Variants in ELAPOR1 observed in about 807,000 individuals in gnomAD.
ELAPOR1 encodes the protein endosome/lysosome-associated apoptosis and autophagy regulator 1.
ELAPOR1 carries 77 observed loss-of-function variants against 119.7 expected under a neutral mutation model. The ratio of observed to expected loss-of-function variants is 0.64; its 90% CI spans 0.54 to 0.78. The LOEUF (loss-of-function observed/expected upper bound fraction) is 0.78. Among genes scored for constraint, ELAPOR1 ranks in the 30% least tolerant of loss-of-function variants. ELAPOR1 has a pLI of 0.00. For synonymous variants in ELAPOR1, 481 were observed against 487.2 expected, an observed-to-expected ratio of 0.99 and a Z score of 0.17; for missense variants, 1,115 against 1,270.4, an observed-to-expected ratio of 0.88 and a Z score of 1.86.
At chr1:109,163,076 A>G (rs1420606419) in intron 2 of ELAPOR1, among the ~76,000 whole-genome samples, 2 of 152,252 alleles carry the variant, frequency 1.3e-5, no homozygotes, top group African/African-American at 4.8e-5. Flanking sequence ...TGGCAGACAT[A>G]TATGATATGA....
At position 109,144,061 on chromosome 1, in the gene ELAPOR1, A is replaced by ATATATTTTTTTTTTTT; in HGVS notation, c.154-17832_154-17831insATATTTTTTTTTTTTT. 2.1e-4 allele frequency among the ~76,000 whole-genome samples: 19 copies of ATATATTTTTTTTTTTT among 88,986 alleles called. 1 individual carries two copies. The highest frequency in any genetic ancestry group is 5.3e-4 in the African/African-American group (11 of 20,740). 58.4% of individuals were successfully genotyped at this position (88,986 alleles called of 152,430 possible). Reference sequence around the variant, plus strand: ...TATATATATATATATATATTTATATATTTTTTTTTTTTTTTGAGATGGAGT... The same window carrying ATATATTTTTTTTTTTT: ...TATATATATATATATATATTTATATATATATTTTTTTTTTTTTTTTTTTTTTTTTTTGAGATGGAGT... On this transcript the variant is annotated intron_variant, in intron 1 of 21. Coordinates refer to ENST00000369939, the MANE Select transcript of ELAPOR1 (RefSeq NM_020775.5).
chr1:109,130,566 C>T (rs1400263847), intron 1 of ELAPOR1, among the ~76,000 whole-genome samples: 1 of 151,690 alleles, frequency 6.6e-6, no homozygotes, highest in East Asian at 1.9e-4. Context: ...AGGCTGGTCT[C>T]CAACTCTTGA....
chr1:109,119,629 T>C (rs1402590269), intron 1 of ELAPOR1, among the ~76,000 whole-genome samples: 1 of 152,206 alleles, frequency 6.6e-6, no homozygotes, highest in East Asian at 1.9e-4. Flanking sequence ...TCTAAACTCA[T>C]CTACGTTATT....
intron 7 of ELAPOR1, among the ~76,000 whole-genome samples, chr1:109,182,791 C>T (rs1180544506): frequency 6.6e-6 from 1 of 151,216 alleles, no homozygotes; most frequent in African/African-American, 2.4e-5. Context: ...GGCGTGAACC[C>T]GGGAGGCGGA....
intron 1 of ELAPOR1, among the ~76,000 whole-genome samples, chr1:109,156,258 C>G (rs1234706689): frequency 1.3e-5 from 2 of 151,956 alleles, no homozygotes; most frequent in Non-Finnish European, 2.9e-5. Context: ...AATAGAATAA[C>G]TCAGAGGTTA....
At chr1:109,172,428 G>A in intron 4 of ELAPOR1, 60 bp from the exon 5 acceptor site, 1 of 1,287,012 alleles carries the variant, frequency 7.8e-7, no homozygotes, top group South Asian at 1.2e-5. Flanking sequence ...TGCAATGTGG[G>A]GAAAGGTATC....
At position 109,114,756 on chromosome 1, in the gene ELAPOR1, GA is replaced by G. The variant is rs528667266; in HGVS notation, c.153+426del. Among the ~76,000 whole-genome samples the G allele has an allele frequency of 7.4e-3, 1,127 of 152,286 alleles. 8 individuals carry two copies. Among genetic ancestry groups the G allele is most frequent in the Admixed American group, 0.023 (352 of 15,300 alleles). Reference sequence around the variant, plus strand: ...GAGAGGAAAGGAGTTAGGAAGGCCAGAAAAAAGTATCAGAGCGAAGTGGTTT... The same window carrying G: ...GAGAGGAAAGGAGTTAGGAAGGCCAGAAAAAGTATCAGAGCGAAGTGGTTT... On this transcript the variant is annotated intron_variant, in intron 1 of 21. Coordinates refer to ENST00000369939, the MANE Select transcript of ELAPOR1 (RefSeq NM_020775.5).
chr1:109,127,578 A>G (rs912272704), intron 1 of ELAPOR1, among the ~76,000 whole-genome samples: 3 of 149,534 alleles, frequency 2.0e-5, no homozygotes, highest in Non-Finnish European at 3.0e-5. Context: ...TTATTTATTT[A>G]TTTTTTTGAG....
At chr1:109,184,485 T>C (rs1186534601) in intron 7 of ELAPOR1, among the ~76,000 whole-genome samples, 4 of 152,162 alleles carry the variant, frequency 2.6e-5, no homozygotes, top group Non-Finnish European at 2.9e-5. Flanking sequence ...TGTAGAATGA[T>C]TGCATGAAGA....
rs756405190 is a variant in ELAPOR1 at position 109,171,982 on chromosome 1, A to C, written c.584A>C (p.Tyr195Ser). 3 of 1,614,018 alleles carry C rather than the reference A, an allele frequency of 1.9e-6. No individual in the cohort carries two copies. Among genetic ancestry groups the C allele is most frequent in the Non-Finnish European group, 1.7e-6 (2 of 1,180,024 alleles). ...QSGTVNFEYY[Y>S]PDSSIIFEFF... is the part of the protein sequence containing the mutation. ...GGCACCGTTAACTTCGAATACTACT[A>C]TCCAGACTCCAGCATCATCTTTGAG... is the stretch of plus-strand genomic sequence containing the variant. Residue 195 changes from tyrosine to serine, a missense_variant, in exon 4 of 22, where the codon TAT (tyrosine) becomes TCT (serine). Coordinates refer to ENST00000369939, the MANE Select transcript of ELAPOR1 (RefSeq NM_020775.5).
Position 109,204,123 on chromosome 1 carries a change from A to T in ELAPOR1, c.*1111A>T, listed in dbSNP as rs1654354743. ...TTTTTTGTAGACACAGGGTTTCACCATGTTGCCCAGGCTGGTCTCCAACTC... is the reference window on the plus strand; with the variant it reads ...TTTTTTGTAGACACAGGGTTTCACCTTGTTGCCCAGGCTGGTCTCCAACTC... On this transcript the variant is annotated 3_prime_UTR_variant, in exon 22 of 22. Transcript: ENST00000369939. 6.6e-6 allele frequency: 1 copy of T among 152,180 alleles called. No individual in the cohort carries two copies. Among genetic ancestry groups the T allele is most frequent in the South Asian group, 2.1e-4 (1 of 4,818 alleles). The allele number at this position is 152,180 out of a possible 1,614,324, so 9.4% of individuals were successfully genotyped here.
At chr1:109,154,910 C>G (rs1196871557) in intron 1 of ELAPOR1, among the ~76,000 whole-genome samples, 2 of 152,174 alleles carry the variant, frequency 1.3e-5, no homozygotes, top group Admixed American at 6.5e-5. Flanking sequence ...GTGTTACTGT[C>G]TTTGCCACAG....
intron 15 of ELAPOR1, among the ~76,000 whole-genome samples, chr1:109,197,091 C>T (rs1487109561): frequency 6.6e-6 from 1 of 150,818 alleles, no homozygotes; most frequent in South Asian, 2.1e-4. Context: ...TGCTTGAGCC[C>T]AGGAGTTCAA....
Position 109,114,307 on chromosome 1 carries a change from A to G in ELAPOR1, c.124A>G (p.Thr42Ala). The change falls in exon 1 of 22, where the codon ACG becomes GCG. Residue 42 changes from threonine (T) to alanine (A), a missense_variant. Transcript: ENST00000369939. ...AGTAFQVTQG[T>A]GPELHACKES... is the part of the protein sequence containing the mutation. ...GACCGCCTTCCAGGTGACCCAGGGA[A>G]CGGGACCGGAGCTTCATGCCTGCAA... 6.2e-7 allele frequency: 1 copy of G among 1,600,316 alleles called. No individual in the cohort carries two copies. The highest frequency in any genetic ancestry group is 8.5e-7 in the Non-Finnish European group (1 of 1,173,684).
At chr1:109,172,165 C>T in intron 4 of ELAPOR1, 152 bp downstream of exon 4, 1 of 987,560 alleles carries the variant, frequency 1.0e-6, no homozygotes, top group Non-Finnish European at 1.5e-6. Context: ...AGCTGAGGCC[C>T]AGGAGGCAAG....
At chr1:109,184,072 AT>A (rs752444963) in intron 7 of ELAPOR1, among the ~76,000 whole-genome samples, 1 of 152,098 alleles carries the variant, frequency 6.6e-6, no homozygotes, top group South Asian at 2.1e-4. Context: ...AATAACAATA[AT>A]AAAATAATAA....
intron 1 of ELAPOR1, among the ~76,000 whole-genome samples, chr1:109,120,364 T>A (rs1648315703): frequency 6.6e-6 from 1 of 151,016 alleles, no homozygotes; most frequent in African/African-American, 2.5e-5. Flanking sequence ...GCCACTGTAC[T>A]CCAGCCTGCG....
In ELAPOR1 at chr1:109,200,242, A is replaced by G. The variant is rs376037387; in HGVS notation, c.2807+5A>G. 1 of 1,613,554 alleles carries G rather than the reference A, an allele frequency of 6.2e-7. No individual in the cohort carries two copies. The highest frequency in any genetic ancestry group is 8.5e-7 in the Non-Finnish European group (1 of 1,179,636). On this transcript the variant is annotated splice_donor_5th_base_variant and intron_variant, in intron 20 of 21. Transcript: ENST00000369939. ...CTTTTGGAAAAAGAATCAAAAGTAC[A>G]TGTTGCGGTATTGGAGTGTGGGGAT...
At chr1:109,186,192 GGGAGGAGCCGT>G (rs1653032962) in intron 8 of ELAPOR1, among the ~76,000 whole-genome samples, 1 of 152,110 alleles carries the variant, frequency 6.6e-6, no homozygotes, top group South Asian at 2.1e-4. Flanking sequence ...AAGGAGATGA[GGGAGGAGCCGT>G]GGAGCTTTCC....
Sources: gnomAD v4.1 joint callset for allele counts (sites outside exome capture counted in the v4.1 genomes callset) on GRCh38, gnomAD v4.1.1 for gene constraint, MANE v1.5 for transcripts, NCBI Gene and HGNC (gene_info 2026-07-23, HGNC 2026-07-21) for gene names.